Variants in HHLA2 observed in about 807,000 individuals in gnomAD.
HHLA2 encodes HERV-H LTR-associating protein 2.
A neutral mutation model predicts 45.9 loss-of-function variants in HHLA2; 48 were observed. The ratio of observed to expected loss-of-function variants is 1.05; its 90% CI spans 0.83 to 1.33. The LOEUF (loss-of-function observed/expected upper bound fraction) is 1.33. HHLA2 is among the 40% of genes most tolerant of loss of function. The pLI, the probability that HHLA2 is intolerant of heterozygous loss-of-function variation, is 0.00. For synonymous variants in HHLA2, 161 were observed against 173.9 expected (o/e 0.93, Z 0.59); for missense variants, 462 against 494.3 (o/e 0.93, Z 0.62).
At chr3:108,358,365 C>G (rs991979751) in intron 7 of HHLA2, among the ~76,000 whole-genome samples, 1 of 152,122 alleles carries the variant, frequency 6.6e-6, no homozygotes, top group Non-Finnish European at 1.5e-5. Context: ...AAAAATTACT[C>G]CCACAGATTT....
intron 2 of HHLA2, among the ~76,000 whole-genome samples, chr3:108,315,071 G>A (rs1406026554): frequency 6.6e-6 from 1 of 152,166 alleles, no homozygotes. Flanking sequence ...CAGATGGGTG[G>A]GAAATGGTGC....
intron 8 of HHLA2, among the ~76,000 whole-genome samples, chr3:108,367,576 C>A (rs563597184): frequency 7.9e-5 from 12 of 151,682 alleles, no homozygotes; most frequent in African/African-American, 2.7e-4. Context: ...GTATCAGTAG[C>A]CGAATCGATC....
At chr3:108,342,039 C>A (rs574608257) in intron 3 of HHLA2, among the ~76,000 whole-genome samples, 2 of 152,242 alleles carry the variant, frequency 1.3e-5, no homozygotes, top group Non-Finnish European at 2.9e-5. Flanking sequence ...TCTCATTTAC[C>A]TTTCTGAACA....
intron 8 of HHLA2, 70 bp from the exon 8 acceptor site, chr3:108,375,680 G>T: frequency 6.4e-7 from 1 of 1,557,168 alleles, no homozygotes. Context: ...GCCATACCAA[G>T]GTGACCTTAC....
chr3:108,328,393 C>T (rs1354169428), intron 3 of HHLA2: 8 of 1,311,672 alleles, frequency 6.1e-6, no homozygotes, highest in Middle Eastern at 1.8e-4. Context: ...ATCTGTGCAG[C>T]TATTTATTTG....
intron 8 of HHLA2, among the ~76,000 whole-genome samples, chr3:108,363,846 T>G (rs1375464803): frequency 6.6e-6 from 1 of 152,182 alleles, no homozygotes; most frequent in Non-Finnish European, 1.5e-5. Flanking sequence ...GACAGTATAT[T>G]CATGGCTGGG....
chr3:108,325,947 C>T, intron 2 of HHLA2: 1 of 378,448 alleles, frequency 2.6e-6, no homozygotes, highest in Non-Finnish European at 5.1e-6. Flanking sequence ...TGGCCATTCA[C>T]AGGATGGTAT....
intron 2 of HHLA2, among the ~76,000 whole-genome samples, chr3:108,319,323 C>T (rs62266188): frequency 0.068 from 10,308 of 152,150 alleles, 482 homozygotes; most frequent in Non-Finnish European, 0.092. Context: ...TTTCTTGGAA[C>T]CCCACTCTAA....
At chr3:108,326,806 C>T (rs370790392) in intron 2 of HHLA2, 2 of 152,642 alleles carry the variant, frequency 1.3e-5, no homozygotes. Context: ...GAGACTCTGA[C>T]TTAGACATGG....
intron 1 of HHLA2, among the ~76,000 whole-genome samples, chr3:108,300,936 G>C (rs187168973): frequency 3.9e-5 from 6 of 152,012 alleles, no homozygotes; most frequent in African/African-American, 9.7e-5. Context: ...AAATATTTAC[G>C]TTTAGCTTCT....
At chr3:108,325,939 G>T in intron 2 of HHLA2, 2 of 380,628 alleles carry the variant, frequency 5.3e-6, no homozygotes, top group Admixed American at 2.9e-5. Flanking sequence ...CATGATTGTG[G>T]CCATTCACAG....
chr3:108,331,073 A>C (rs1169842719), intron 3 of HHLA2, among the ~76,000 whole-genome samples: 1 of 152,104 alleles, frequency 6.6e-6, no homozygotes, highest in Non-Finnish European at 1.5e-5. Flanking sequence ...GGGTGTTTCA[A>C]ACCTGGGCAT....
exon 11 of HHLA2, chr3:108,377,542 A>G: frequency 2.3e-6 from 1 of 432,332 alleles, no homozygotes; most frequent in Admixed American, 3.9e-5. Context: ...GAACTGTCTC[A>G]TTCATTTACA....
intron 8 of HHLA2, among the ~76,000 whole-genome samples, chr3:108,363,901 A>T (rs2082019383): frequency 6.6e-6 from 1 of 152,184 alleles, no homozygotes; most frequent in African/African-American, 2.4e-5. Context: ...GGACAAGGAC[A>T]GAGAGCAGTT....
At chr3:108,358,302 G>A (rs1668064641) in intron 7 of HHLA2, 141 bp downstream of exon 6, 1 of 613,002 alleles carries the variant, frequency 1.6e-6, no homozygotes, top group Non-Finnish European at 2.7e-6. Context: ...TTTCTGGTCA[G>A]GATGTCGATT....
chr3:108,366,955 C>A (rs1181168952), intron 8 of HHLA2, among the ~76,000 whole-genome samples: 4 of 152,150 alleles, frequency 2.6e-5, no homozygotes, highest in African/African-American at 9.7e-5. Context: ...TACAGGAGAT[C>A]TCCAGCTGGC....
chr3:108,326,466 T>C (rs1313247054), intron 2 of HHLA2: 2 of 152,208 alleles, frequency 1.3e-5, no homozygotes, highest in Non-Finnish European at 2.9e-5. Context: ...CCATGAGAAC[T>C]GTATGGGGAA....
At chr3:108,365,513 T>G (rs1046014848) in intron 8 of HHLA2, among the ~76,000 whole-genome samples, 1 of 152,234 alleles carries the variant, frequency 6.6e-6, no homozygotes, top group Non-Finnish European at 1.5e-5. Context: ...TTTAAAGTAC[T>G]TTTTTCTAGT....
At chr3:108,341,674 T>G (rs1377191959) in intron 3 of HHLA2, among the ~76,000 whole-genome samples, 4 of 152,208 alleles carry the variant, frequency 2.6e-5, no homozygotes, top group Non-Finnish European at 5.9e-5. Context: ...TAATTAATTA[T>G]CTTCATTATG....
Sources: allele counts gnomAD v4.1 joint callset (sites outside exome capture counted in the v4.1 genomes callset), GRCh38; gene constraint gnomAD v4.1.1; transcripts MANE v1.5; gene names NCBI Gene and HGNC (gene_info 2026-07-23, HGNC 2026-07-21).